CELF1: variants seen among roughly 807,000 people sequenced by gnomAD.
The protein encoded by CELF1 is CUGBP Elav-like family member 1.
Under a neutral mutation model 61.8 loss-of-function variants are expected in CELF1, and 10 were observed. The observed-to-expected ratio is 0.16, with a 90% confidence interval of 0.10 to 0.27. The LOEUF is 0.27. Among genes scored for constraint, CELF1 ranks in the 10% least tolerant of loss-of-function variants. CELF1 has a pLI of 1.00. For missense variants in CELF1, 380 were observed against 639.1 expected, an observed-to-expected ratio of 0.59 and a Z score of 4.37; for synonymous variants, 236 against 225.1, an observed-to-expected ratio of 1.05 and a Z score of -0.43.
At chr11:47,492,863 G>A (rs538026815) in intron 3 of CELF1, among the ~76,000 whole-genome samples, 56 of 152,284 alleles carry the variant, frequency 3.7e-4, no homozygotes, top group Admixed American at 3.3e-4. Context: ...CTATTCTAGA[G>A]TGGGTTAACA....
At chr11:47,517,743 C>T (rs934440042) in intron 1 of CELF1, among the ~76,000 whole-genome samples, 1 of 151,964 alleles carries the variant, frequency 6.6e-6, no homozygotes, top group Non-Finnish European at 1.5e-5. Context: ...ACCTCCGCCT[C>T]CCGGGTTCAA....
At chr11:47,562,713 T>G (rs1466421912) in intron 2 of CELF1, among the ~76,000 whole-genome samples, 1 of 144,636 alleles carries the variant, frequency 6.9e-6, no homozygotes, top group African/African-American at 2.6e-5. Flanking sequence ...TTTTGTTTTG[T>G]TTTTTTTTTG....
At chr11:47,502,357 G>T (rs1375440407) in intron 1 of CELF1, among the ~76,000 whole-genome samples, 2 of 152,180 alleles carry the variant, frequency 1.3e-5, no homozygotes, top group Non-Finnish European at 2.9e-5. Context: ...TTTGGGAAAA[G>T]AGAGCACAGA....
chr11:47,552,547 C>T (rs559898541), intron 1 of CELF1, among the ~76,000 whole-genome samples: 1 of 152,164 alleles, frequency 6.6e-6, no homozygotes, highest in Non-Finnish European at 1.5e-5. Flanking sequence ...GCGGACCCTT[C>T]GGCACCCACA....
intron 3 of CELF1, among the ~76,000 whole-genome samples, chr11:47,492,097 C>A (rs2091752315): frequency 6.6e-6 from 1 of 152,202 alleles, no homozygotes; most frequent in Non-Finnish European, 1.5e-5. Context: ...CCTACCTCAG[C>A]AATCCCAGTA....
chr11:47,498,537 A>C (rs899323908), intron 3 of CELF1, among the ~76,000 whole-genome samples: 13 of 152,356 alleles, frequency 8.5e-5, no homozygotes, highest in African/African-American at 3.1e-4. Context: ...ATGGAGGCCT[A>C]ACCTCAAAGA....
Position 47,471,641 on chromosome 11 carries a change from C to T in CELF1, c.*589G>A, listed in dbSNP as rs1274612542. 3 of 152,080 alleles carry T rather than the reference C, an allele frequency of 2.0e-5. No homozygotes were observed. The highest frequency in any genetic ancestry group is 4.4e-5 in the Non-Finnish European group (3 of 68,042). The allele number at this position is 152,080 out of a possible 1,614,324, so 9.4% of individuals were successfully genotyped here. On this transcript the variant is annotated 3_prime_UTR_variant, in exon 15 of 15. Transcript: ENST00000687097. Reference sequence around the variant, plus strand: ...AAAAATAGGTGTCAAAAACTATTTCCCAGAAGGTAGCTGTACAGGAGTTTG... The same window carrying T: ...AAAAATAGGTGTCAAAAACTATTTCTCAGAAGGTAGCTGTACAGGAGTTTG...
At chr11:47,482,183 AGAGT>A (rs199568781) in intron 9 of CELF1, among the ~76,000 whole-genome samples, 2,423 of 152,022 alleles carry the variant, frequency 0.016, 52 homozygotes, top group African/African-American at 0.048. Flanking sequence ...CCTGGGTGAC[AGAGT>A]GAGTGAGACT....
chr11:47,530,087 G>A (rs568583622), intron 1 of CELF1, among the ~76,000 whole-genome samples: 5 of 152,140 alleles, frequency 3.3e-5, no homozygotes, highest in African/African-American at 4.8e-5. Flanking sequence ...CTAAATCATC[G>A]CACTGCGCAT....
At chr11:47,563,011 T>C (rs572292951) in intron 2 of CELF1, among the ~76,000 whole-genome samples, 14 of 151,856 alleles carry the variant, frequency 9.2e-5, no homozygotes, top group Non-Finnish European at 1.8e-4. Context: ...CTGTGCCCAG[T>C]CCCGAGATCA....
At chr11:47,498,178 A>G (rs1419520502) in intron 3 of CELF1, among the ~76,000 whole-genome samples, 1 of 152,208 alleles carries the variant, frequency 6.6e-6, no homozygotes, top group Non-Finnish European at 1.5e-5. Context: ...GTGCCGAGGC[A>G]GCAGGATAGC....
intron 5 of CELF1, 67 bp from the exon 6 acceptor site, chr11:47,486,865 C>T: frequency 1.7e-6 from 2 of 1,185,498 alleles, no homozygotes; most frequent in East Asian, 2.3e-5. Flanking sequence ...CATATGGACT[C>T]TAAAATACCA....
intron 1 of CELF1, among the ~76,000 whole-genome samples, chr11:47,510,905 G>C (rs2095089256): frequency 6.6e-6 from 1 of 152,200 alleles, no homozygotes; most frequent in East Asian, 1.9e-4. Flanking sequence ...AATTTAGCTG[G>C]GTACAGTGGC....
intron 1 of CELF1, among the ~76,000 whole-genome samples, chr11:47,545,887 G>GTC (rs1434062910): frequency 1.6e-5 from 2 of 125,944 alleles, no homozygotes; most frequent in Non-Finnish European, 3.2e-5. Flanking sequence ...GTGTGTGTGT[G>GTC]TGTGTGTGTG....
At chr11:47,506,731 T>A (rs2094534991) in intron 1 of CELF1, 1 of 152,230 alleles carries the variant, frequency 6.6e-6, no homozygotes, top group South Asian at 2.1e-4. Flanking sequence ...GCAAATGTTA[T>A]CCCATAATGT....
In CELF1 at chr11:47,477,365, T is replaced by C; in HGVS notation, c.905A>G (p.Gln302Arg). The C allele has an allele frequency of 6.2e-7, 1 of 1,613,744 alleles. No individual in the cohort carries two copies. Among genetic ancestry groups the C allele is most frequent in the Non-Finnish European group, 8.5e-7 (1 of 1,179,654 alleles). Residue 302 changes from glutamine (Q) to arginine (R), a missense_variant, in exon 11 of 15, where the codon CAG becomes CGG. Coordinates refer to ENST00000687097, the MANE Select transcript of CELF1 (RefSeq NM_001376376.1). ...AALAAAASAA[Q>R]NTPSGTNALT... ...AGCATTGGTACCACTTGGTGTGTTC[T>C]GAGCTGCACTAGCTGCAGCAGCTAG...
chr11:47,545,280 A>C (rs2096903601), intron 1 of CELF1, among the ~76,000 whole-genome samples: 1 of 152,102 alleles, frequency 6.6e-6, no homozygotes, highest in South Asian at 2.1e-4. Context: ...AAATACAAAA[A>C]TTAGCCGGGC....
chr11:47,490,128 G>A (rs1481339066), intron 3 of CELF1, among the ~76,000 whole-genome samples: 1 of 150,734 alleles, frequency 6.6e-6, no homozygotes, highest in Non-Finnish European at 1.5e-5. Context: ...TAGTAGAGAC[G>A]GGCTTTCACC....
intron 6 of CELF1, among the ~76,000 whole-genome samples, chr11:47,486,093 G>A (rs184519818): frequency 2.7e-5 from 1 of 36,910 alleles, no homozygotes; most frequent in African/African-American, 1.1e-4. Context: ...CCCGGGAGGC[G>A]GAGGTTGCAA....
Sources: allele counts gnomAD v4.1 joint callset (sites outside exome capture counted in the v4.1 genomes callset), GRCh38; gene constraint gnomAD v4.1.1; transcripts MANE v1.5; gene names NCBI Gene and HGNC (gene_info 2026-07-23, HGNC 2026-07-21).